Variants in PCDHA8 observed in about 807,000 individuals in gnomAD.
PCDHA8 encodes protocadherin alpha 8.
In PCDHA8, 53 loss-of-function variants were observed where a neutral mutation model predicts 61.8. That is an observed-to-expected ratio of 0.86 (90% CI 0.69 to 1.08). The LOEUF (loss-of-function observed/expected upper bound fraction) is 1.08. Ranked by LOEUF, PCDHA8 falls within the 50% of genes least tolerant of loss-of-function variation. The pLI is 0.00. For synonymous variants in PCDHA8, 618 were observed against 556.6 expected (o/e 1.11, Z -1.55); for missense variants, 1,293 against 1,245.0 (o/e 1.04, Z -0.58).
At chr5:140,970,152 A>G (rs899776182) in intron 1 of PCDHA8, among the ~76,000 whole-genome samples, 22 of 152,224 alleles carry the variant, frequency 1.4e-4, no homozygotes, top group Non-Finnish European at 2.5e-4. Flanking sequence ...AATTCTCCCA[A>G]TAGTCACCTT....
intron 1 of PCDHA8, among the ~76,000 whole-genome samples, chr5:140,964,381 T>C (rs1008874330): frequency 1.3e-5 from 2 of 152,176 alleles, no homozygotes. Flanking sequence ...AGGAGAGTCC[T>C]GGTTTTTCTC....
At chr5:140,853,330 G>A in intron 1 of PCDHA8, 1 of 984,768 alleles carries the variant, frequency 1.0e-6, no homozygotes, top group South Asian at 4.7e-5. Flanking sequence ...TTTATCTTTT[G>A]AGGTCATTAG....
intron 2 of PCDHA8, among the ~76,000 whole-genome samples, chr5:140,982,179 T>C (rs950269342): frequency 6.6e-6 from 1 of 152,396 alleles, no homozygotes. Flanking sequence ...CTTAGTCCTC[T>C]GATGGGCTTC....
chr5:140,852,081 T>C (rs2042233455), intron 1 of PCDHA8: 1 of 899,702 alleles, frequency 1.1e-6, no homozygotes, highest in Non-Finnish European at 1.4e-6. Context: ...AGCTATTTTA[T>C]TTAATATTGT....
At chr5:140,969,468 AT>A (rs1264391543) in intron 1 of PCDHA8, 1 of 1,486,422 alleles carries the variant, frequency 6.7e-7, no homozygotes, top group Non-Finnish European at 9.0e-7. Context: ...AGTATCCACA[AT>A]TTGATCATAA....
rs782489417 is a variant in PCDHA8, at chr5:140,927,802, A to C, written c.2395-51147A>C. 6.2e-6 allele frequency: 10 copies of C among 1,614,148 alleles called. No homozygotes were observed. The East Asian group carries it at 2.0e-4, about 32-fold the overall frequency. On this transcript the variant is annotated intron_variant, in intron 1 of 3. Transcript: ENST00000531613. ...AGCTGCTTCACTAGGTCCGCCTGAA[A>C]CGCTCTTGGAGGCATACATTGAGGC...
intron 1 of PCDHA8, among the ~76,000 whole-genome samples, chr5:140,974,825 A>G (rs2096642596): frequency 6.6e-6 from 1 of 152,198 alleles, no homozygotes; most frequent in Admixed American, 6.5e-5. Flanking sequence ...ATGCAACATA[A>G]TGATTATTTT....
chr5:140,927,071 G>A lies in PCDHA8; in HGVS notation c.2395-51878G>A. 3 of 1,611,088 alleles carry A rather than the reference G, an allele frequency of 1.9e-6. No homozygotes were observed. The highest frequency in any genetic ancestry group is 2.5e-6 in the Non-Finnish European group (3 of 1,177,862). On this transcript the variant is annotated intron_variant, in intron 1 of 3. Transcript: ENST00000531613. ...TCGCGGAACTTTCGCTTCCTTTCCAGCCACCGCGAGCTCTACTTCGGGGTG... is the reference window on the plus strand; with the variant it reads ...TCGCGGAACTTTCGCTTCCTTTCCAACCACCGCGAGCTCTACTTCGGGGTG...
intron 1 of PCDHA8, chr5:140,882,281 T>C (rs1554173360): frequency 6.2e-7 from 1 of 1,612,634 alleles, no homozygotes; most frequent in African/African-American, 1.3e-5. Context: ...GCTGTCTTCC[T>C]GGCAAGGAGG....
chr5:140,881,121 C>G (rs1456322924), intron 1 of PCDHA8, among the ~76,000 whole-genome samples: 4 of 152,122 alleles, frequency 2.6e-5, no homozygotes, highest in Non-Finnish European at 4.4e-5. Flanking sequence ...GATTTTGTGG[C>G]TTGGTAGAGA....
chr5:140,870,553 C>T, intron 1 of PCDHA8: 1 of 1,614,032 alleles, frequency 6.2e-7, no homozygotes, highest in East Asian at 2.2e-5. Flanking sequence ...CGCGGACGCG[C>T]AGGAGAACGC....
intron 1 of PCDHA8, among the ~76,000 whole-genome samples, chr5:140,897,960 T>C (rs2066423336): frequency 6.6e-6 from 1 of 152,276 alleles, no homozygotes; most frequent in South Asian, 2.1e-4. Flanking sequence ...CATTTTTTCA[T>C]GTGTCTTTTG....
At chr5:140,962,928 A>G (rs1447478531) in intron 1 of PCDHA8, among the ~76,000 whole-genome samples, 5 of 152,186 alleles carry the variant, frequency 3.3e-5, no homozygotes, top group African/African-American at 1.2e-4. Flanking sequence ...GATACTTCTC[A>G]ACCTCCTCTC....
intron 1 of PCDHA8, among the ~76,000 whole-genome samples, chr5:140,885,102 G>A (rs2060467065): frequency 6.6e-6 from 1 of 151,970 alleles, no homozygotes; most frequent in Non-Finnish European, 1.5e-5. Flanking sequence ...TCACATAAAT[G>A]CTTTTTTTAA....
chr5:140,845,872 C>T (rs1261726866), intron 1 of PCDHA8, among the ~76,000 whole-genome samples: 3 of 149,504 alleles, frequency 2.0e-5, no homozygotes, highest in Non-Finnish European at 4.5e-5. Flanking sequence ...AGAAAGGCAA[C>T]CTAAAATGTC....
In PCDHA8 at chr5:140,846,411, A is replaced by G. The variant is rs2150390591; in HGVS notation, c.2394+2696A>G. On this transcript the variant is annotated intron_variant, in intron 1 of 3. Transcript: ENST00000531613. ...TTTTTTTGAGACGGAGTCTCGCTCT[A>G]TCTCCCAGGCTGGAATGCAGTGGCG... is the stretch of plus-strand genomic sequence containing the variant. Among the ~76,000 whole-genome samples the G allele has an allele frequency of 5.5e-3, 604 of 109,334 alleles. 20 individuals are homozygous for G. The highest frequency in any genetic ancestry group is 0.021 in the African/African-American group (587 of 27,602). 71.7% of individuals were successfully genotyped at this position (109,334 alleles called of 152,430 possible). A position where few individuals can be genotyped will look rare whatever the true frequency, so the allele number is the denominator to read the frequency against.
intron 1 of PCDHA8, among the ~76,000 whole-genome samples, chr5:140,888,046 A>G (rs2061675850): frequency 6.6e-6 from 1 of 152,214 alleles, no homozygotes; most frequent in South Asian, 2.1e-4. Flanking sequence ...CATGTATAAT[A>G]GATGTTTTAA....
chr5:140,876,783 C>G (rs1554168916), intron 1 of PCDHA8: 2 of 1,614,196 alleles, frequency 1.2e-6, no homozygotes, highest in Admixed American at 1.7e-5. Flanking sequence ...CGCTGTGGGC[C>G]ACGGCTAGAG....
chr5:140,927,342 T>TGAC (rs1554204398), intron 1 of PCDHA8: 2 of 1,614,160 alleles, frequency 1.2e-6, no homozygotes, highest in Admixed American at 3.3e-5. Flanking sequence ...ATGCCCAAGA[T>TGAC]GACGACGAGG....
Sources: allele counts gnomAD v4.1 joint callset (sites outside exome capture counted in the v4.1 genomes callset), GRCh38; gene constraint gnomAD v4.1.1; transcripts MANE v1.5; gene names NCBI Gene and HGNC (gene_info 2026-07-23, HGNC 2026-07-21).